Variants in CDH3 observed in about 807,000 individuals in gnomAD.
The protein encoded by CDH3 is cadherin 3.
In CDH3, 54 loss-of-function variants were observed where a neutral mutation model predicts 82.0. The observed-to-expected ratio is 0.66, with a 90% CI of 0.53 to 0.83. The LOEUF is 0.83. Among genes scored for constraint, CDH3 ranks in the 40% least tolerant of loss-of-function variants. The pLI is 0.00. For missense variants in CDH3, 1,054 were observed against 1,084.6 expected (o/e 0.97, Z 0.40); for synonymous variants, 446 against 437.9 (o/e 1.02, Z -0.23).
At chr16:68,706,455 G>T (rs978565856) in intron 1 of CDH3, among the ~76,000 whole-genome samples, 1 of 151,832 alleles carries the variant, frequency 6.6e-6, no homozygotes, top group African/African-American at 2.4e-5. Flanking sequence ...ATGGGCCTTG[G>T]AGTACACACC....
At chr16:68,689,040 C>T (rs894681675) in intron 12 of CDH3, among the ~76,000 whole-genome samples, 1 of 152,166 alleles carries the variant, frequency 6.6e-6, no homozygotes, top group Non-Finnish European at 1.5e-5. Flanking sequence ...TATTGATAAC[C>T]TGGTTCTTGG....
At chr16:68,695,503 G>C in intron 14 of CDH3, 118 bp downstream of exon 14, 1 of 1,063,740 alleles carries the variant, frequency 9.4e-7, no homozygotes, top group Non-Finnish European at 1.4e-6. Flanking sequence ...CATGAAGCAT[G>C]CGTCTTCCTT....
At position 68,699,157 on chromosome 16, in the gene CDH3, C is replaced by G. The variant is rs941490247; in HGVS notation, c.*757C>G. 1 of 152,172 alleles carries G rather than the reference C, an allele frequency of 6.6e-6. No individual in the cohort carries two copies. The highest frequency in any genetic ancestry group is 2.4e-5 in the African/African-American group (1 of 41,450). 9.4% of individuals were successfully genotyped at this position (152,172 alleles called of 1,614,324 possible). On this transcript the variant is annotated 3_prime_UTR_variant, in exon 16 of 16. Transcript: ENST00000264012. Reference sequence around the variant, plus strand: ...AATGGTTTTTAGAATTTTCAGAGTTCTGCAAAAAGAGTGGGCTCTGTTTAC... The same window carrying G: ...AATGGTTTTTAGAATTTTCAGAGTTGTGCAAAAAGAGTGGGCTCTGTTTAC...
intron 1 of CDH3, among the ~76,000 whole-genome samples, chr16:68,714,085 T>C (rs767814935): frequency 2.6e-4 from 39 of 151,894 alleles, no homozygotes; most frequent in Non-Finnish European, 5.2e-4. Flanking sequence ...AGGTACACGC[T>C]ACCATGCCCA....
chr16:68,678,738 A>AC, intron 5 of CDH3, 24 bp from the exon 6 acceptor site: 1 of 1,614,038 alleles, frequency 6.2e-7, no homozygotes, highest in Non-Finnish European at 8.5e-7. Flanking sequence ...CACCGGGCTG[A>AC]CCCCAGAGCT....
chr16:68,650,999 G>A (rs371090211), intron 2 of CDH3: 16 of 296,024 alleles, frequency 5.4e-5, no homozygotes, highest in East Asian at 4.7e-4. Context: ...ACAGGGAGAC[G>A]ATGTGGGGAG....
chr16:68,667,090 T>A (rs1960754136), intron 2 of CDH3, among the ~76,000 whole-genome samples: 1 of 152,228 alleles, frequency 6.6e-6, no homozygotes, highest in Admixed American at 6.5e-5. Context: ...GGTTCCCAAC[T>A]GTGACACAGC....
intron 1 of CDH3, among the ~76,000 whole-genome samples, chr16:68,718,780 TA>T (rs976862626): frequency 7.2e-5 from 11 of 152,284 alleles, no homozygotes; most frequent in Middle Eastern, 6.8e-3. Context: ...CCTAGGTATT[TA>T]CCCAAGAAGA....
chr16:68,731,038 A>ATATAT (rs1962277415), downstream of CDH3, among the ~76,000 whole-genome samples: 1 of 37,650 alleles, frequency 2.7e-5, no homozygotes, highest in Non-Finnish European at 6.8e-5. Context: ...AAAAAAAAAA[A>ATATAT]AAAAAAAAAA....
chr16:68,657,989 A>T (rs1482068216), intron 2 of CDH3, among the ~76,000 whole-genome samples: 1 of 151,776 alleles, frequency 6.6e-6, no homozygotes, highest in African/African-American at 2.4e-5. Flanking sequence ...GTGCATGCGC[A>T]TCTTTCTAAG....
At chr16:68,729,968 C>T (rs1962266665), downstream of CDH3, among the ~76,000 whole-genome samples, 2 of 152,160 alleles carry the variant, frequency 1.3e-5, no homozygotes, top group South Asian at 2.1e-4. Flanking sequence ...GGTGCAGTAG[C>T]TCATGCCTGT....
chr16:68,660,339 T>C (rs1291419220), intron 2 of CDH3, among the ~76,000 whole-genome samples: 1 of 152,214 alleles, frequency 6.6e-6, no homozygotes, highest in Non-Finnish European at 1.5e-5. Context: ...TCACCAAAAA[T>C]CAAAAACTTT....
In CDH3 at chr16:68,686,239, C is replaced by T. The variant is rs189558995; in HGVS notation, c.1570+889C>T. On this transcript the variant is annotated intron_variant, in intron 11 of 15. Coordinates refer to ENST00000264012, the MANE Select transcript of CDH3 (RefSeq NM_001793.6). ...AGGGCCCTTGGGGCGAATTGCAGCA[C>T]GCCTCGGGGCGAGCGGCAAGGGCTG... 2.3e-3 allele frequency among the ~76,000 whole-genome samples: 353 copies of T among 151,470 alleles called. 1 individual carries two copies. The highest frequency in any genetic ancestry group is 0.018 in the East Asian group (95 of 5,188).
intron 9 of CDH3, among the ~76,000 whole-genome samples, chr16:68,684,083 A>AC (rs1020907727): frequency 1.3e-5 from 2 of 150,588 alleles, no homozygotes; most frequent in African/African-American, 4.9e-5. Flanking sequence ...AAAAAAAAAA[A>AC]AGCTGGGTGC....
chr16:68,670,624 C>T lies in CDH3; in HGVS notation c.161-5761C>T, dbSNP rs376397714. 2.6e-5 allele frequency among the ~76,000 whole-genome samples: 4 copies of T among 152,278 alleles called. No homozygotes were observed. In the South Asian group the frequency reaches 6.2e-4, roughly 24 times the overall value. On this transcript the variant is annotated intron_variant, in intron 2 of 15. Coordinates refer to ENST00000264012, the MANE Select transcript of CDH3 (RefSeq NM_001793.6). ...TCATGGTTTGGAGTTTCAACTTGTA[C>T]GTTACTCATGATGGTTCTGTGAAGT...
At chr16:68,645,942 T>C in intron 2 of CDH3, 192 bp downstream of exon 2, 1 of 594,048 alleles carries the variant, frequency 1.7e-6, no homozygotes, top group East Asian at 2.8e-5. Flanking sequence ...GCAGAGCGCC[T>C]ATGACATCCA....
At chr16:68,672,099 G>A (rs1567444849) in intron 2 of CDH3, among the ~76,000 whole-genome samples, 1 of 151,724 alleles carries the variant, frequency 6.6e-6, no homozygotes. Context: ...GGCTGAGGCA[G>A]GAGAATGGCG....
At chr16:68,682,524 G>A (rs1325694298) in intron 9 of CDH3, 37 bp downstream of exon 9, 5 of 1,597,768 alleles carry the variant, frequency 3.1e-6, no homozygotes, top group Non-Finnish European at 4.3e-6. Context: ...GGCTATACCT[G>A]GGGCAGTCAG....
chr16:68,729,433 T>C (rs1405329395), downstream of CDH3, among the ~76,000 whole-genome samples: 1 of 152,200 alleles, frequency 6.6e-6, no homozygotes, highest in Non-Finnish European at 1.5e-5. Context: ...AAACAAAGGA[T>C]ACATTCACTA....
Sources: allele counts gnomAD v4.1 joint callset (sites outside exome capture counted in the v4.1 genomes callset), GRCh38; gene constraint gnomAD v4.1.1; transcripts MANE v1.5; gene names NCBI Gene and HGNC (gene_info 2026-07-23, HGNC 2026-07-21).